The following ARHGAP8 variants were observed in gnomAD, a reference collection of about 807,000 sequenced individuals.
The protein encoded by ARHGAP8 is rho GTPase-activating protein 8.
A neutral mutation model predicts 46.1 loss-of-function variants in ARHGAP8; 62 were observed. The ratio of observed to expected loss-of-function variants is 1.34; its 90% CI spans 1.10 to 1.66. ARHGAP8 has a LOEUF of 1.66. ARHGAP8 is among the 40% of genes most tolerant of loss of function. The probability of loss-of-function intolerance (pLI) is 0.00; values close to 1 mark genes in which losing one functional copy is unlikely to be tolerated. For synonymous variants in ARHGAP8, 375 were observed against 243.1 expected, an observed-to-expected ratio of 1.54 and a Z score of -5.05; for missense variants, 923 against 568.4, an observed-to-expected ratio of 1.62 and a Z score of -6.34.
At chr22:44,815,003 T>C (rs136656) in intron 5 of ARHGAP8, among the ~76,000 whole-genome samples, 152,019 of 152,230 alleles carry the variant, frequency 1, 75,905 homozygotes, top group Middle Eastern at 1. Flanking sequence ...AGCCCCCCTT[T>C]GCCTGAGCCC....
intron 10 of ARHGAP8, among the ~76,000 whole-genome samples, chr22:44,851,756 C>CTT (rs2070099684): frequency 6.6e-6 from 1 of 152,056 alleles, no homozygotes; most frequent in Non-Finnish European, 1.5e-5. Context: ...GGGAGATCAC[C>CTT]TGAGCCTGGG....
chr22:44,824,573 G>A (rs1029203964), intron 6 of ARHGAP8, among the ~76,000 whole-genome samples: 4 of 152,020 alleles, frequency 2.6e-5, no homozygotes, highest in Non-Finnish European at 5.9e-5. Flanking sequence ...GTATTTGCCT[G>A]TGTTAAGGAA....
intron 2 of ARHGAP8, among the ~76,000 whole-genome samples, chr22:44,787,956 T>C (rs1927393860): frequency 6.9e-6 from 1 of 145,874 alleles, no homozygotes; most frequent in African/African-American, 2.6e-5. Context: ...CAAATGTCCT[T>C]TTAAGAAAAC....
chr22:44,797,416 C>G (rs1382094189), intron 2 of ARHGAP8, among the ~76,000 whole-genome samples: 3 of 152,186 alleles, frequency 2.0e-5, no homozygotes, highest in South Asian at 4.1e-4. Context: ...CGGTGGTAGA[C>G]ACTTTGTCTG....
At chr22:44,783,869 C>G (rs1927027165) in intron 1 of ARHGAP8, among the ~76,000 whole-genome samples, 1 of 152,092 alleles carries the variant, frequency 6.6e-6, no homozygotes, top group Non-Finnish European at 1.5e-5. Context: ...GAGCCTGTCC[C>G]CATCATTCTC....
At chr22:44,837,031 C>T (rs1001708088) in intron 7 of ARHGAP8, among the ~76,000 whole-genome samples, 1 of 152,082 alleles carries the variant, frequency 6.6e-6, no homozygotes, top group Admixed American at 6.6e-5. Context: ...ACTACAGGCG[C>T]GTGCCACCGT....
intron 4 of ARHGAP8, among the ~76,000 whole-genome samples, chr22:44,812,068 G>T (rs912661764): frequency 2.0e-5 from 3 of 151,674 alleles, no homozygotes; most frequent in African/African-American, 7.3e-5. Flanking sequence ...CAGGTTTCCT[G>T]CATTCTTTTC....
chr22:44,788,953 A>G (rs1455610075), intron 2 of ARHGAP8, among the ~76,000 whole-genome samples: 3 of 152,152 alleles, frequency 2.0e-5, no homozygotes, highest in Non-Finnish European at 4.4e-5. Flanking sequence ...AGAATGCTCT[A>G]TGTATTTCAG....
intron 4 of ARHGAP8, among the ~76,000 whole-genome samples, chr22:44,811,912 C>T (rs563804077): frequency 6.6e-6 from 1 of 151,930 alleles, no homozygotes; most frequent in Non-Finnish European, 1.5e-5. Flanking sequence ...TATAAGAATC[C>T]CTTGAACCTG....
chr22:44,861,611 T>C (rs12169258), intron 11 of ARHGAP8, among the ~76,000 whole-genome samples: 3 of 152,148 alleles, frequency 2.0e-5, no homozygotes, highest in African/African-American at 4.8e-5. Context: ...CTGACTGAGG[T>C]TCCCCCCAGC....
intron 2 of ARHGAP8, among the ~76,000 whole-genome samples, chr22:44,790,906 G>A (rs975222273): frequency 6.6e-6 from 1 of 151,728 alleles, no homozygotes; most frequent in Non-Finnish European, 1.5e-5. Context: ...CTAATTTTTT[G>A]TATTTTAGTA....
intron 6 of ARHGAP8, among the ~76,000 whole-genome samples, chr22:44,823,368 T>C (rs1008870623): frequency 6.6e-6 from 1 of 152,080 alleles, no homozygotes; most frequent in Non-Finnish European, 1.5e-5. Context: ...CAGGGACAGT[T>C]GGCTAGATGA....
Position 44,825,562 on chromosome 22 carries a change from C to T in ARHGAP8, c.565C>T (p.Pro189Ser). Reference protein sequence around the residue: ...TKTPPPRPPLPTQQFGVSLQY... With the variant: ...TKTPPPRPPLSTQQFGVSLQY... ...GACACCACCGCCGCGGCCCCCGCTG[C>T]CCACACAGCAGTTTGGCGTCAGTCT... Residue 189 changes from proline (P) to serine (S), a missense_variant, in exon 7 of 12, where the codon CCC (proline) becomes TCC (serine). Physicochemically the swap from Pro to Ser is moderately conservative, Grantham distance 74 (BLOSUM62 -1). Coordinates refer to ENST00000356099, the MANE Select transcript of ARHGAP8 (RefSeq NM_181335.3). 6.2e-7 allele frequency: 1 copy of T among 1,613,234 alleles called. No individual in the cohort carries two copies. The highest frequency in any genetic ancestry group is 1.7e-4 in the Middle Eastern group (1 of 6,058).
At chr22:44,831,234 T>C (rs1432973955) in intron 7 of ARHGAP8, among the ~76,000 whole-genome samples, 2 of 152,248 alleles carry the variant, frequency 1.3e-5, no homozygotes, top group Admixed American at 1.3e-4. Context: ...TAAGAAATCA[T>C]TGCCAAATTC....
chr22:44,833,090 T>A (rs150920382), intron 7 of ARHGAP8, among the ~76,000 whole-genome samples: 87 of 131,436 alleles, frequency 6.6e-4, no homozygotes, highest in African/African-American at 2.7e-3. Flanking sequence ...TCTTTTCTTT[T>A]CTTTTCTTTT....
rs551197215 is a variant in ARHGAP8 at position 44,827,817 on chromosome 22, C to T, written c.596+2224C>T. Among the ~76,000 whole-genome samples, 9 of 152,044 alleles carry T rather than the reference C, an allele frequency of 5.9e-5. No individual in the cohort carries two copies. In the South Asian group the frequency reaches 6.2e-4, roughly 11 times the overall value. Reference sequence around the variant, plus strand: ...AGGGTGCTTGAGCCCAGGAGAGGGCCGGGCCTGGAGTGCAAATGTGAAGTT... The same window carrying T: ...AGGGTGCTTGAGCCCAGGAGAGGGCTGGGCCTGGAGTGCAAATGTGAAGTT... On this transcript the variant is annotated intron_variant, in intron 7 of 11. Transcript: ENST00000356099.
At chr22:44,769,227 T>C (rs1925824575) in intron 1 of ARHGAP8, among the ~76,000 whole-genome samples, 1 of 152,192 alleles carries the variant, frequency 6.6e-6, no homozygotes, top group Admixed American at 6.5e-5. Context: ...TGAGGCTCCA[T>C]CATCTGCCCA....
At chr22:44,813,348 TAC>T in intron 4 of ARHGAP8, among the ~76,000 whole-genome samples, 1 of 150,730 alleles carries the variant, frequency 6.6e-6, no homozygotes, top group African/African-American at 2.4e-5. Context: ...TACATATACA[TAC>T]ACTTACACAC....
intron 1 of ARHGAP8, chr22:44,766,175 G>T (rs1431401971): frequency 6.6e-6 from 1 of 152,662 alleles, no homozygotes; most frequent in Non-Finnish European, 1.5e-5. Flanking sequence ...GCCGTGGTCT[G>T]GTCTCCGGGA....
Sources: allele counts gnomAD v4.1 joint callset (sites outside exome capture counted in the v4.1 genomes callset), GRCh38; gene constraint gnomAD v4.1.1; transcripts MANE v1.5; gene names NCBI Gene and HGNC (gene_info 2026-07-23, HGNC 2026-07-21).